KCNH8: variants seen among roughly 807,000 people sequenced by gnomAD.
KCNH8 encodes the protein voltage-gated delayed rectifier potassium channel KCNH8.
In KCNH8, 70 loss-of-function variants were observed where a neutral mutation model predicts 103.6. That is an observed-to-expected ratio of 0.68 (90% CI 0.56 to 0.82). KCNH8 has a LOEUF of 0.82. Ranked by LOEUF, KCNH8 falls within the 40% of genes least tolerant of loss-of-function variation. The pLI, the probability that KCNH8 is intolerant of heterozygous loss-of-function variation, is 0.00. For synonymous variants in KCNH8, 498 were observed against 489.4 expected, an observed-to-expected ratio of 1.02 and a Z score of -0.23; for missense variants, 1,217 against 1,329.9, an observed-to-expected ratio of 0.92 and a Z score of 1.32.
intron 1 of KCNH8, among the ~76,000 whole-genome samples, chr3:19,241,100 C>T (rs2064134918): frequency 6.6e-6 from 1 of 152,132 alleles, no homozygotes; most frequent in African/African-American, 2.4e-5. Context: ...TCTTAATATT[C>T]AAGCTGTTTT....
chr3:19,149,476 A>G (rs1367816238), intron 1 of KCNH8, among the ~76,000 whole-genome samples: 1 of 151,400 alleles, frequency 6.6e-6, no homozygotes, highest in Non-Finnish European at 1.5e-5. Context: ...TACGAATATT[A>G]TTGGACATTT....
In KCNH8 at chr3:19,253,879, A is replaced by T; in HGVS notation, c.302A>T (p.Lys101Met). 6.2e-7 allele frequency: 1 copy of T among 1,610,714 alleles called. No homozygotes were observed. Among genetic ancestry groups the T allele is most frequent in the Non-Finnish European group, 8.5e-7 (1 of 1,177,148 alleles). Reference protein sequence around the residue: ...TEFKGEIMFYKKNGSPFWCLL... With the variant: ...TEFKGEIMFYMKNGSPFWCLL... Reference sequence around the variant, plus strand: ...TTCAAAGGAGAAATTATGTTCTACAAGAAAAACGGTGAGTTGGCTTTCTTT... The same window carrying T: ...TTCAAAGGAGAAATTATGTTCTACATGAAAAACGGTGAGTTGGCTTTCTTT... Residue 101 changes from lysine (K) to methionine (M), a missense_variant, in exon 2 of 16, where the codon AAG becomes ATG. Lys to Met is a moderately conservative substitution (Grantham distance 95). Coordinates refer to ENST00000328405, the MANE Select transcript of KCNH8 (RefSeq NM_144633.3).
At chr3:19,164,417 T>G (rs1360466764) in intron 1 of KCNH8, among the ~76,000 whole-genome samples, 1 of 152,216 alleles carries the variant, frequency 6.6e-6, no homozygotes, top group East Asian at 1.9e-4. Context: ...TACTTGATAT[T>G]TTCACCTTCC....
rs1460525056 is a variant in KCNH8, at chr3:19,535,444, T to TAACA, written c.*1346_*1349dup. On this transcript the variant is annotated 3_prime_UTR_variant, in exon 16 of 16. Transcript: ENST00000328405. ...CCATAATGCTCCCTACATCTCACAC[T>TAACA]AACAGGCAAATTCAGATGCTGGGAT... 3 of 152,306 alleles carry TAACA rather than the reference T, an allele frequency of 2.0e-5. No homozygotes were observed. Among genetic ancestry groups the TAACA allele is most frequent in the Admixed American group, 6.5e-5 (1 of 15,288 alleles). The allele number at this position is 152,306 out of a possible 1,614,324, so 9.4% of individuals were successfully genotyped here.
chr3:19,314,029 A>G (rs1250309456), intron 3 of KCNH8, among the ~76,000 whole-genome samples: 1 of 151,924 alleles, frequency 6.6e-6, no homozygotes, highest in African/African-American at 2.4e-5. Flanking sequence ...CCTTTAAACT[A>G]CCTACATATA....
chr3:19,368,197 G>C lies in KCNH8; in HGVS notation c.811+20232G>C, dbSNP rs538067140. ...GGGTTATGAAAAGCATATTGAAGAA[G>C]TTGAAGACACTCTCCCTGTATTCAA... On this transcript the variant is annotated intron_variant, in intron 5 of 15. Transcript: ENST00000328405. Among the ~76,000 whole-genome samples the C allele has an allele frequency of 7.7e-4, 117 of 152,134 alleles. 1 individual carries two copies. Among genetic ancestry groups the C allele is most frequent in the Non-Finnish European group, 1.0e-3 (69 of 67,946 alleles).
At chr3:19,239,391 T>G (rs1559437447) in intron 1 of KCNH8, among the ~76,000 whole-genome samples, 1 of 152,154 alleles carries the variant, frequency 6.6e-6, no homozygotes, top group Non-Finnish European at 1.5e-5. Context: ...GGTGAGAACA[T>G]TTCTCTTCTC....
At chr3:19,390,738 G>A in intron 6 of KCNH8, 100 bp downstream of exon 6, 1 of 1,200,208 alleles carries the variant, frequency 8.3e-7, no homozygotes, top group Non-Finnish European at 1.2e-6. Context: ...CCAGGGTTTT[G>A]TGCCTTCTTC....
chr3:19,367,685 A>G (rs1489521840), intron 5 of KCNH8, among the ~76,000 whole-genome samples: 1 of 151,900 alleles, frequency 6.6e-6, no homozygotes, highest in Non-Finnish European at 1.5e-5. Context: ...TGAGTTGAAC[A>G]ACAGCCTTAT....
chr3:19,469,117 A>C (rs962253768), intron 11 of KCNH8, among the ~76,000 whole-genome samples: 1 of 152,206 alleles, frequency 6.6e-6, no homozygotes, highest in Non-Finnish European at 1.5e-5. Flanking sequence ...CTGCTAGCCG[A>C]GTCCTGCATA....
chr3:19,490,238 A>T (rs2068289677), intron 11 of KCNH8, among the ~76,000 whole-genome samples: 1 of 152,220 alleles, frequency 6.6e-6, no homozygotes, highest in Admixed American at 6.5e-5. Context: ...GAAATGTAGC[A>T]GGATGAGCTG....
At chr3:19,308,386 C>G (rs765506750) in intron 3 of KCNH8, among the ~76,000 whole-genome samples, 5 of 151,450 alleles carry the variant, frequency 3.3e-5, no homozygotes, top group African/African-American at 7.3e-5. Flanking sequence ...CAGCTTCTAC[C>G]TAACCTAAGC....
chr3:19,374,054 G>T (rs531099703), intron 5 of KCNH8, among the ~76,000 whole-genome samples: 1 of 152,098 alleles, frequency 6.6e-6, no homozygotes, highest in African/African-American at 2.4e-5. Context: ...TGGAATAGGT[G>T]TGGTGTGGTG....
intron 1 of KCNH8, among the ~76,000 whole-genome samples, chr3:19,158,353 T>A (rs917509207): frequency 6.6e-6 from 1 of 151,796 alleles, no homozygotes; most frequent in Admixed American, 6.6e-5. Context: ...ACAATTTTAA[T>A]TATAGAATAT....
chr3:19,158,921 G>A (rs2063207070), intron 1 of KCNH8, among the ~76,000 whole-genome samples: 1 of 151,550 alleles, frequency 6.6e-6, no homozygotes, highest in Non-Finnish European at 1.5e-5. Context: ...AATTGCTTTG[G>A]CATTTTAAGA....
At chr3:19,228,035 C>G (rs975382045) in intron 1 of KCNH8, among the ~76,000 whole-genome samples, 2 of 152,052 alleles carry the variant, frequency 1.3e-5, no homozygotes, top group African/African-American at 2.4e-5. Flanking sequence ...TGAGAGGAGG[C>G]TAATTTGTTC....
intron 11 of KCNH8, among the ~76,000 whole-genome samples, chr3:19,464,419 A>G (rs1329128205): frequency 6.6e-6 from 1 of 152,180 alleles, no homozygotes; most frequent in Non-Finnish European, 1.5e-5. Flanking sequence ...AAACGAAAGA[A>G]AAAACAATAA....
chr3:19,319,602 G>A lies in KCNH8; in HGVS notation c.443-22985G>A, dbSNP rs556868500. ...GTAGTTTAAAGTTGGGTAATGTAATGTCTCCAGATTTGTTCTTTTTGCTTA... is the reference window on the plus strand; with the variant it reads ...GTAGTTTAAAGTTGGGTAATGTAATATCTCCAGATTTGTTCTTTTTGCTTA... On this transcript the variant is annotated intron_variant, in intron 3 of 15. Transcript: ENST00000328405. Among the ~76,000 whole-genome samples, 14 of 152,082 alleles carry A rather than the reference G, an allele frequency of 9.2e-5. No homozygotes were observed. The East Asian group carries it at 2.5e-3, about 27-fold the overall frequency.
At chr3:19,349,873 A>G (rs1368402223) in intron 5 of KCNH8, among the ~76,000 whole-genome samples, 3 of 152,120 alleles carry the variant, frequency 2.0e-5, no homozygotes, top group Non-Finnish European at 2.9e-5. Context: ...TGGTTCTCCC[A>G]GTAGGCAATA....
Sources: allele counts gnomAD v4.1 joint callset (sites outside exome capture counted in the v4.1 genomes callset), GRCh38; gene constraint gnomAD v4.1.1; transcripts MANE v1.5; gene names NCBI Gene and HGNC (gene_info 2026-07-23, HGNC 2026-07-21).